APBA2: variants seen among roughly 807,000 people sequenced by gnomAD.
APBA2 encodes the protein amyloid-beta A4 precursor protein-binding family A member 2.
In APBA2, 30 loss-of-function variants were observed where a neutral mutation model predicts 75.0. The observed-to-expected ratio is 0.40, with a 90% confidence interval of 0.30 to 0.54. The LOEUF is 0.54. Among genes scored for constraint, APBA2 ranks in the 20% least tolerant of loss-of-function variants. The pLI, the probability that APBA2 is intolerant of heterozygous loss-of-function variation, is 0.49. For synonymous variants in APBA2, 444 were observed against 409.6 expected, an observed-to-expected ratio of 1.08 and a Z score of -1.01; for missense variants, 801 against 1,016.1, an observed-to-expected ratio of 0.79 and a Z score of 2.88.
At chr15:28,951,819 G>C (rs957911602) in intron 2 of APBA2, among the ~76,000 whole-genome samples, 2 of 143,066 alleles carry the variant, frequency 1.4e-5, no homozygotes, top group African/African-American at 5.3e-5. Flanking sequence ...TTGACCTCAT[G>C]ATCCATCCGC....
intron 2 of APBA2, among the ~76,000 whole-genome samples, chr15:28,993,347 A>G (rs2038338345): frequency 1.3e-5 from 2 of 152,244 alleles, no homozygotes; most frequent in Admixed American, 6.5e-5. Context: ...ACACTCCTGC[A>G]TGGAAACGAA....
At chr15:28,893,197 C>T (rs1025087796) in intron 1 of APBA2, among the ~76,000 whole-genome samples, 21 of 152,178 alleles carry the variant, frequency 1.4e-4, no homozygotes, top group Admixed American at 7.2e-4. Flanking sequence ...GAGAAGGGCA[C>T]GTGGAGATCT....
intron 3 of APBA2, chr15:29,044,349 G>T (rs758359310): frequency 6.6e-6 from 1 of 152,148 alleles, no homozygotes; most frequent in Non-Finnish European, 1.5e-5. Flanking sequence ...GTCGGGGGCC[G>T]CATTAGCTAT....
chr15:29,111,206 G>C (rs559626798), intron 13 of APBA2, among the ~76,000 whole-genome samples: 2 of 152,040 alleles, frequency 1.3e-5, no homozygotes, highest in East Asian at 3.9e-4. Context: ...GATGGAGGGG[G>C]CCAAGCGTCT....
intron 1 of APBA2, among the ~76,000 whole-genome samples, chr15:28,886,908 A>G (rs921249461): frequency 6.6e-6 from 1 of 152,162 alleles, no homozygotes; most frequent in African/African-American, 2.4e-5. Context: ...CTGCCTGGCA[A>G]GGCTGCTGGC....
chr15:29,020,456 C>T (rs1264956579), intron 3 of APBA2, among the ~76,000 whole-genome samples: 1 of 151,218 alleles, frequency 6.6e-6, no homozygotes, highest in African/African-American at 2.4e-5. Flanking sequence ...GTAAGATTGC[C>T]ATATAAAAGC....
intron 14 of APBA2, among the ~76,000 whole-genome samples, chr15:29,116,150 C>T (rs748806765): frequency 2.6e-5 from 4 of 152,176 alleles, no homozygotes; most frequent in South Asian, 2.1e-4. Context: ...CACGGTTGGT[C>T]TCCCTGGGGC....
chr15:29,055,014 C>T (rs1272848457), intron 4 of APBA2, among the ~76,000 whole-genome samples, 179 bp downstream of exon 4: 1 of 152,158 alleles, frequency 6.6e-6, no homozygotes, highest in African/African-American at 2.4e-5. Context: ...GATGCTCCGG[C>T]CACTCTTAAG....
chr15:28,892,364 C>T (rs1334426368), intron 1 of APBA2, among the ~76,000 whole-genome samples: 1 of 152,198 alleles, frequency 6.6e-6, no homozygotes, highest in East Asian at 1.9e-4. Flanking sequence ...CGTGAGCCAC[C>T]ACGCCTGGCC....
intron 1 of APBA2, among the ~76,000 whole-genome samples, chr15:28,905,738 C>T (rs1269239797): frequency 6.6e-6 from 1 of 152,134 alleles, no homozygotes; most frequent in African/African-American, 2.4e-5. Context: ...TATCTTGTAT[C>T]TCTGGAGGAG....
intron 1 of APBA2, among the ~76,000 whole-genome samples, chr15:28,898,476 G>A (rs1396223808): frequency 6.6e-6 from 1 of 152,204 alleles, no homozygotes; most frequent in Non-Finnish European, 1.5e-5. Context: ...AAAAACCCCA[G>A]ATGCTAGAGT....
Position 29,054,016 on chromosome 15 carries a change from G to A in APBA2, c.132G>A (p.Glu44=). 1.2e-6 allele frequency: 2 copies of A among 1,613,938 alleles called. No individual in the cohort carries two copies. Among genetic ancestry groups the A allele is most frequent in the Non-Finnish European group, 1.7e-6 (2 of 1,180,032 alleles). ...TGCCCTTGGAGGGCTATGTGCCCGA[G>A]GGCCTGGAGCTGGCTGCCCTGCGGC... ...MELPLEGYVP[E]GLELAALRPE... is the part of the protein sequence containing the mutation. The change falls in exon 4 of 15, where the codon GAG becomes GAA. Residue 44 remains glutamate, a synonymous_variant. Coordinates refer to ENST00000683413, the MANE Select transcript of APBA2 (RefSeq NM_001353788.2). This position sits in a 1 kb window ranked among gnomAD's most constrained non-coding sequence, Gnocchi z 6.1.
Position 29,101,583 on chromosome 15 carries a change from G to A in APBA2, c.1339-16G>A. The A allele has an allele frequency of 6.2e-7, 1 of 1,611,082 alleles. No homozygotes were observed. Among genetic ancestry groups the A allele is most frequent in the Non-Finnish European group, 8.5e-7 (1 of 1,178,910 alleles). ...CAGTAGTGTTCCCTGACGTGGCACT[G>A]TCTCCCTCCCGACAGGAAACCATGA... On this transcript the variant is annotated splice_polypyrimidine_tract_variant and intron_variant, in intron 9 of 14. Transcript: ENST00000683413.
chr15:28,940,194 C>G (rs1046920916), intron 2 of APBA2, among the ~76,000 whole-genome samples: 2 of 151,608 alleles, frequency 1.3e-5, no homozygotes, highest in Admixed American at 6.6e-5. Flanking sequence ...AAAGGAGATA[C>G]GGAGGAAAGG....
intron 2 of APBA2, among the ~76,000 whole-genome samples, chr15:28,925,121 T>C (rs1344006343): frequency 6.6e-6 from 1 of 152,188 alleles, no homozygotes; most frequent in African/African-American, 2.4e-5. Context: ...TTTTTCTGCA[T>C]CAATTGATCT....
At chr15:29,084,109 A>G (rs897367069) in intron 6 of APBA2, among the ~76,000 whole-genome samples, 2 of 152,222 alleles carry the variant, frequency 1.3e-5, no homozygotes, top group South Asian at 4.1e-4. Flanking sequence ...AAAGAAAGCT[A>G]TCGATTTTTA....
intron 8 of APBA2, among the ~76,000 whole-genome samples, chr15:29,095,796 C>G (rs2043822107): frequency 6.6e-6 from 1 of 152,240 alleles, no homozygotes; most frequent in Non-Finnish European, 1.5e-5. Context: ...AAGGATCATG[C>G]TCATGCTCCT....
intron 3 of APBA2, among the ~76,000 whole-genome samples, chr15:29,047,708 A>G (rs1361164717): frequency 1.3e-5 from 2 of 152,178 alleles, no homozygotes; most frequent in Non-Finnish European, 2.9e-5. Flanking sequence ...AGATGACCAC[A>G]TGCCGGAAAG....
chr15:28,903,905 G>A (rs968620707), intron 1 of APBA2, among the ~76,000 whole-genome samples: 1 of 152,114 alleles, frequency 6.6e-6, no homozygotes, highest in Non-Finnish European at 1.5e-5. Context: ...GGAGGGACAA[G>A]GACAAGTCAG....
Sources: allele counts gnomAD v4.1 joint callset (sites outside exome capture counted in the v4.1 genomes callset), GRCh38; gene constraint gnomAD v4.1.1; non-coding constraint Gnocchi (gnomAD v3.1); transcripts MANE v1.5; gene names NCBI Gene and HGNC (gene_info 2026-07-23, HGNC 2026-07-21).